The following SLC8A2 variants were observed in gnomAD, a reference collection of about 807,000 sequenced individuals.
SLC8A2 encodes the protein sodium/calcium exchanger 2.
A neutral mutation model predicts 70.2 loss-of-function variants in SLC8A2; 14 were observed. The ratio of observed to expected loss-of-function variants is 0.20; its 90% CI spans 0.13 to 0.31. The LOEUF is 0.31. SLC8A2 is among the 10% of genes least tolerant of loss of function. The pLI is 1.00. For synonymous variants in SLC8A2, 575 were observed against 594.3 expected (o/e 0.97, Z 0.47); for missense variants, 779 against 1,320.1 (o/e 0.59, Z 6.35).
rs553904250 is a variant in SLC8A2, at chr19:47,438,846, C to T, written c.1886-873G>A. Among the ~76,000 whole-genome samples the T allele has an allele frequency of 2.6e-5, 4 of 152,336 alleles. No homozygotes were observed. In the South Asian group the frequency reaches 8.3e-4, roughly 32 times the overall value. ...TCCAGATCTAACTCCAGTCCTACAC[C>T]TGACCTCAAACCTCAGTCCCAACTC... On this transcript the variant is annotated intron_variant, in intron 6 of 9. Coordinates refer to ENST00000236877, the MANE Select transcript of SLC8A2 (RefSeq NM_015063.3).
chr19:47,434,808 C>A (rs1049047113), intron 8 of SLC8A2, among the ~76,000 whole-genome samples: 2 of 152,126 alleles, frequency 1.3e-5, no homozygotes, highest in African/African-American at 4.8e-5. Context: ...AAGGCACGTG[C>A]TGAACAAAGT....
intron 3 of SLC8A2, among the ~76,000 whole-genome samples, chr19:47,456,523 G>A (rs1234626703): frequency 6.6e-6 from 1 of 152,108 alleles, no homozygotes; most frequent in Non-Finnish European, 1.5e-5. Context: ...AAAATAAGCC[G>A]GGTGTGGTGG....
In SLC8A2 at chr19:47,468,952, G is replaced by A. The variant is rs988893225; in HGVS notation, c.-16-2533C>T. 2.0e-5 allele frequency among the ~76,000 whole-genome samples: 3 copies of A among 152,062 alleles called. No homozygotes were observed. The highest frequency in any genetic ancestry group is 7.2e-5 in the African/African-American group (3 of 41,398). ...CTGCCACCAGCCTCATTTCTTCCAG[G>A]GGCTTCCATTTGCTTGAAAAGTTCT... On this transcript the variant is annotated intron_variant, in intron 1 of 9. Transcript: ENST00000236877. This position sits in a 1 kb window ranked among gnomAD's most constrained non-coding sequence, Gnocchi z 5.1.
chr19:47,456,480 G>A (rs930837960), intron 3 of SLC8A2, among the ~76,000 whole-genome samples: 2 of 152,140 alleles, frequency 1.3e-5, no homozygotes, highest in African/African-American at 2.4e-5. Flanking sequence ...CCTGGCCAAC[G>A]TGGTGAAACC....
chr19:47,471,034 C>T (rs1343184620), intron 1 of SLC8A2, among the ~76,000 whole-genome samples: 1 of 151,454 alleles, frequency 6.6e-6, no homozygotes. Flanking sequence ...GGAGGGTGCA[C>T]TGGCTCCCAG....
At chr19:47,458,968 A>C in intron 2 of SLC8A2, among the ~76,000 whole-genome samples, 4 of 124,954 alleles carry the variant, frequency 3.2e-5, no homozygotes, top group Middle Eastern at 5.8e-3. Context: ...GTCTCTGCTC[A>C]TCTCTGCCTC....
chr19:47,430,058 G>A lies in SLC8A2; in HGVS notation c.*31C>T, dbSNP rs374863685. 97 of 1,554,050 alleles carry A rather than the reference G, an allele frequency of 6.2e-5. 2 individuals are homozygous for A. The African/African-American group carries it at 1.0e-3, about 16-fold the overall frequency. ...TGCAGCCGAGTCCCTAGCCCCGGGC[G>A]GGCGGTGGGGACGAGTCTCTGCGCG... On this transcript the variant is annotated 3_prime_UTR_variant, in exon 10 of 10. Coordinates refer to ENST00000236877, the MANE Select transcript of SLC8A2 (RefSeq NM_015063.3). The surrounding 1 kb of genome is among the most constrained non-coding windows in gnomAD (Gnocchi z 5.9).
Position 47,466,220 on chromosome 19 carries a change from C to T in SLC8A2, c.184G>A (p.Asp62Asn), listed in dbSNP as rs574343557. 3 of 1,609,474 alleles carry T rather than the reference C, an allele frequency of 1.9e-6. No homozygotes were observed. The highest frequency in any genetic ancestry group is 2.7e-5 in the African/African-American group (2 of 74,980). The stretch of plus-strand genomic sequence containing the variant: ...GCCGCCTTGTCACCCAGCGACGGGT[C>T]GTCGGGCTCCCACACGGGCAGCAGC... ...GVLLPVWEPDDPSLGDKAARA... is the reference protein window; with the variant it reads ...GVLLPVWEPDNPSLGDKAARA... Residue 62 changes from aspartate (D) to asparagine (N), a missense_variant, in exon 2 of 10, where the codon GAC becomes AAC. By Grantham distance (23) the Asp-to-Asn change is conservative. Around this residue, in one of 6 missense-constraint regions of SLC8A2, gnomAD observed 155 missense variants for 318.6 expected, o/e 0.49. Coordinates refer to ENST00000236877, the MANE Select transcript of SLC8A2 (RefSeq NM_015063.3). The surrounding 1 kb of genome is among the most constrained non-coding windows in gnomAD (Gnocchi z 6.9).
At chr19:47,446,140 G>A (rs118108052) in intron 4 of SLC8A2, among the ~76,000 whole-genome samples, 3,448 of 152,308 alleles carry the variant, frequency 0.023, 65 homozygotes, top group Middle Eastern at 0.048. Context: ...AAGCGCAGAG[G>A]CTGGGAGGAG....
intron 3 of SLC8A2, 48 bp downstream of exon 3, chr19:47,456,882 C>CA: frequency 6.6e-7 from 1 of 1,512,106 alleles, no homozygotes; most frequent in Non-Finnish European, 8.8e-7. Flanking sequence ...CGGCGGGACC[C>CA]ACGGCCTGCG....
At chr19:47,471,351 GAC>G (rs2122659930) in intron 1 of SLC8A2, among the ~76,000 whole-genome samples, 1 of 152,210 alleles carries the variant, frequency 6.6e-6, no homozygotes, top group South Asian at 2.1e-4. Flanking sequence ...CCGGCACAGA[GAC>G]ACAGAGAGAG....
At chr19:47,462,146 C>T (rs1242333514) in intron 2 of SLC8A2, among the ~76,000 whole-genome samples, 1 of 152,188 alleles carries the variant, frequency 6.6e-6, no homozygotes. Flanking sequence ...AGAAATGTCC[C>T]ATATGCCGTC....
At position 47,447,110 on chromosome 19, in the gene SLC8A2, C is replaced by T. The variant is rs1248320774; in HGVS notation, c.1763+699G>A. On this transcript the variant is annotated intron_variant, in intron 4 of 9. Coordinates refer to ENST00000236877, the MANE Select transcript of SLC8A2 (RefSeq NM_015063.3). This position sits in a 1 kb window ranked among gnomAD's most constrained non-coding sequence, Gnocchi z 5.1. Reference sequence around the variant, plus strand: ...ATTTCCCCAGGTTCTTCCTCATACCCAGAAGCCCCACCCCTTCCCTAGCTC... The same window carrying T: ...ATTTCCCCAGGTTCTTCCTCATACCTAGAAGCCCCACCCCTTCCCTAGCTC... Among the ~76,000 whole-genome samples, 1 of 151,962 alleles carries T rather than the reference C, an allele frequency of 6.6e-6. No individual in the cohort carries two copies. Among genetic ancestry groups the T allele is most frequent in the East Asian group, 1.9e-4 (1 of 5,162 alleles).
chr19:47,438,287 C>T (rs1967056986), intron 6 of SLC8A2, among the ~76,000 whole-genome samples: 1 of 152,160 alleles, frequency 6.6e-6, no homozygotes, highest in Non-Finnish European at 1.5e-5. Context: ...ATAATTAGTA[C>T]CTACCTCATG....
chr19:47,469,524 T>G (rs566535169), intron 1 of SLC8A2, among the ~76,000 whole-genome samples: 1 of 152,304 alleles, frequency 6.6e-6, no homozygotes, highest in Non-Finnish European at 1.5e-5. Context: ...TCCACCCTCC[T>G]AGCCCAGGGG....
In SLC8A2 at chr19:47,448,923, C is replaced by T. The variant is rs974993912; in HGVS notation, c.1341-692G>A. Among the ~76,000 whole-genome samples the T allele has an allele frequency of 1.3e-5, 2 of 152,182 alleles. No individual in the cohort carries two copies. The highest frequency in any genetic ancestry group is 3.2e-3 in the Middle Eastern group (1 of 316). On this transcript the variant is annotated intron_variant, in intron 3 of 9. Transcript: ENST00000236877. The surrounding 1 kb of genome is among the most constrained non-coding windows in gnomAD (Gnocchi z 4.8). ...GTTGTGTGCCTTGTGCCGAGTGGTGCTGGGGACACAGCAGTAACCAGGCCC... is the reference window on the plus strand; with the variant it reads ...GTTGTGTGCCTTGTGCCGAGTGGTGTTGGGGACACAGCAGTAACCAGGCCC...
At chr19:47,457,632 C>G (rs1479971336) in intron 2 of SLC8A2, 38 bp from the exon 3 acceptor site, 4 of 1,347,154 alleles carry the variant, frequency 3.0e-6, no homozygotes, top group Non-Finnish European at 4.0e-6. Flanking sequence ...CCGGGCGGGC[C>G]GCCTTCTCCC....
chr19:47,455,560 G>A (rs957101570), intron 3 of SLC8A2, among the ~76,000 whole-genome samples: 5 of 152,138 alleles, frequency 3.3e-5, no homozygotes, highest in African/African-American at 9.7e-5. Context: ...CATGATAAAT[G>A]TCATTATGGG....
At chr19:47,445,067 T>C (rs1967143672) in intron 4 of SLC8A2, among the ~76,000 whole-genome samples, 1 of 127,782 alleles carries the variant, frequency 7.8e-6, no homozygotes, top group African/African-American at 3.0e-5. Context: ...CCTCTCTCCC[T>C]CCCTCAAAGC....
Sources: gnomAD v4.1 joint callset for allele counts (sites outside exome capture counted in the v4.1 genomes callset) on GRCh38, gnomAD v4.1.1 for gene constraint, gnomAD v4.1.1 regional missense constraint, Gnocchi (gnomAD v3.1) non-coding constraint, MANE v1.5 for transcripts, NCBI Gene and HGNC (gene_info 2026-07-23, HGNC 2026-07-21) for gene names.